Variants in AGBL1 observed in about 807,000 individuals in gnomAD.
The protein encoded by AGBL1 is cytosolic carboxypeptidase 4.
AGBL1 carries 130 observed loss-of-function variants against 118.9 expected under a neutral mutation model. The ratio of observed to expected loss-of-function variants is 1.09; its 90% CI spans 0.95 to 1.26. AGBL1 has a LOEUF of 1.26. Ranked by LOEUF, AGBL1 falls within the 50% of genes most tolerant of loss-of-function variation. AGBL1 has a pLI of 0.00. For synonymous variants in AGBL1, 555 were observed against 478.9 expected, an observed-to-expected ratio of 1.16 and a Z score of -2.08; for missense variants, 1,584 against 1,298.1, an observed-to-expected ratio of 1.22 and a Z score of -3.38.
chr15:86,522,664 T>C, intron 18 of AGBL1, 146 bp from the exon 19 acceptor site: 1 of 1,018,206 alleles, frequency 9.8e-7, no homozygotes, highest in Non-Finnish European at 1.4e-6. Context: ...TACAGCTTTC[T>C]AGACATCTGA....
chr15:87,005,717 C>G (rs930295757), intron 24 of AGBL1, among the ~76,000 whole-genome samples: 4 of 152,180 alleles, frequency 2.6e-5, no homozygotes, highest in African/African-American at 9.7e-5. Flanking sequence ...CTCTGTCCAG[C>G]TTTGTTTCGT....
chr15:86,777,198 G>T lies in AGBL1; in HGVS notation c.3158+102762G>T, dbSNP rs190238064. Among the ~76,000 whole-genome samples the T allele has an allele frequency of 1.4e-3, 206 of 152,004 alleles. 1 individual carries two copies. The highest frequency in any genetic ancestry group is 4.8e-3 in the African/African-American group (201 of 41,510). ...GCCAAACTCTCATATACATGAGGGG[G>T]TTGTTTCTTTTTTCCATGTTATGTT... is the stretch of plus-strand genomic sequence containing the variant. On this transcript the variant is annotated intron_variant, in intron 22 of 22. Transcript: ENST00000614907.
chr15:86,832,989 A>G (rs1014614081), intron 22 of AGBL1, among the ~76,000 whole-genome samples: 1 of 152,170 alleles, frequency 6.6e-6, no homozygotes, highest in African/African-American at 2.4e-5. Context: ...AAGGCAAACG[A>G]GGAACAAAGT....
rs117374748 is a variant in AGBL1, at chr15:86,281,850, A to G, written c.2220+2067A>G. ...CGTTTTATGAGTCCATGTAGTCATC[A>G]TTGTGTGATGATACAGACATCTCTA... On this transcript the variant is annotated intron_variant, in intron 16 of 22. Coordinates refer to ENST00000614907, the MANE Select transcript of AGBL1 (RefSeq NM_001386094.1). 4.3e-3 allele frequency among the ~76,000 whole-genome samples: 654 copies of G among 152,298 alleles called. 2 individuals are homozygous for G. Among genetic ancestry groups the G allele is most frequent in the Non-Finnish European group, 6.5e-3 (443 of 68,020 alleles).
intron 6 of AGBL1, among the ~76,000 whole-genome samples, chr15:86,226,092 A>T (rs2078357666): frequency 6.6e-6 from 1 of 152,094 alleles, no homozygotes; most frequent in South Asian, 2.1e-4. Flanking sequence ...GGTAGAGTGG[A>T]GGTGGTAAGA....
chr15:86,601,982 A>C (rs1453955081), intron 21 of AGBL1, among the ~76,000 whole-genome samples: 1 of 152,090 alleles, frequency 6.6e-6, no homozygotes, highest in Non-Finnish European at 1.5e-5. Flanking sequence ...TTTATGAATT[A>C]TCTCCATTAA....
At chr15:86,567,170 T>G (rs1283391671) in intron 21 of AGBL1, among the ~76,000 whole-genome samples, 1 of 152,198 alleles carries the variant, frequency 6.6e-6, no homozygotes, top group Non-Finnish European at 1.5e-5. Context: ...TATTCCAACC[T>G]TCCTAATTAG....
chr15:86,886,584 T>C (rs1453561842), intron 22 of AGBL1, among the ~76,000 whole-genome samples: 1 of 152,322 alleles, frequency 6.6e-6, no homozygotes, highest in East Asian at 1.9e-4. Flanking sequence ...TTAATAGAAA[T>C]GTGTCTCTGG....
Position 86,247,676 on chromosome 15 carries a change from A to C in AGBL1, c.532A>C (p.Asn178His). ...GCCTTTCCCTTTGTTTTCAGAGTCG[A>C]ACGGCCGCAGAGCAGTGAACCGAGG... ...VLAALLKSKSNGRRAVNRGYV... is the reference protein window; with the variant it reads ...VLAALLKSKSHGRRAVNRGYV... Residue 178 changes from asparagine (N) to histidine (H), a missense_variant, in exon 7 of 23, where the codon AAC becomes CAC. Coordinates refer to ENST00000614907, the MANE Select transcript of AGBL1 (RefSeq NM_001386094.1). 6 of 1,602,456 alleles carry C rather than the reference A, an allele frequency of 3.7e-6. No homozygotes were observed. The highest frequency in any genetic ancestry group is 5.1e-6 in the Non-Finnish European group (6 of 1,174,600).
intron 6 of AGBL1, among the ~76,000 whole-genome samples, chr15:86,240,813 T>C (rs1358745985): frequency 6.6e-6 from 1 of 152,194 alleles, no homozygotes; most frequent in African/African-American, 2.4e-5. Flanking sequence ...TCTGTATAGC[T>C]GGAGGTAATT....
At chr15:86,088,873 T>C (rs535581171) in intron 1 of AGBL1, among the ~76,000 whole-genome samples, 83 of 152,274 alleles carry the variant, frequency 5.5e-4, no homozygotes, top group African/African-American at 1.9e-3. Flanking sequence ...TGTCTGCATA[T>C]TCTCTAATAT....
chr15:86,756,603 A>G (rs974107843), intron 22 of AGBL1, among the ~76,000 whole-genome samples: 9 of 152,100 alleles, frequency 5.9e-5, no homozygotes, highest in African/African-American at 2.2e-4. Flanking sequence ...TTCCTAAATG[A>G]AGATGAGGAG....
At chr15:86,970,601 A>G (rs977427999) in intron 23 of AGBL1, among the ~76,000 whole-genome samples, 2 of 151,994 alleles carry the variant, frequency 1.3e-5, no homozygotes, top group Admixed American at 6.6e-5. Context: ...TTTCTAAACT[A>G]CAATCATGGT....
intron 5 of AGBL1, among the ~76,000 whole-genome samples, chr15:86,200,724 C>T (rs144215771): frequency 6.7e-4 from 102 of 151,834 alleles, no homozygotes; most frequent in African/African-American, 2.4e-3. Context: ...TCAAGCAATT[C>T]TCCTGCTTCA....
intron 8 of AGBL1, 98 bp from the exon 9 acceptor site, chr15:86,257,866 A>C (rs1381118485): frequency 8.8e-7 from 1 of 1,139,664 alleles, no homozygotes; most frequent in South Asian, 1.5e-5. Context: ...CTTATTTGAG[A>C]GAGGAAGAAG....
intron 18 of AGBL1, among the ~76,000 whole-genome samples, chr15:86,434,917 T>A (rs1596110872): frequency 6.6e-6 from 1 of 152,242 alleles, no homozygotes; most frequent in East Asian, 1.9e-4. Context: ...TATCCTATTG[T>A]TCTGAAGTTG....
At chr15:86,620,614 A>G (rs764928050) in intron 21 of AGBL1, among the ~76,000 whole-genome samples, 104 of 152,196 alleles carry the variant, frequency 6.8e-4, no homozygotes, top group Admixed American at 3.3e-4. Context: ...AAATCAATCT[A>G]TCCTCTGCAT....
At chr15:86,244,128 TAAAAA>T (rs146217051) in intron 6 of AGBL1, among the ~76,000 whole-genome samples, 17 of 151,188 alleles carry the variant, frequency 1.1e-4, no homozygotes, top group Non-Finnish European at 1.8e-4. Flanking sequence ...TTTAGAAACT[TAAAAA>T]AAATTAAGCA....
At chr15:86,647,043 A>C (rs907392430) in intron 21 of AGBL1, among the ~76,000 whole-genome samples, 3 of 152,310 alleles carry the variant, frequency 2.0e-5, no homozygotes, top group Middle Eastern at 6.8e-3. Flanking sequence ...AGCTCACATA[A>C]AAGACTAACA....
Sources: gnomAD v4.1 joint callset for allele counts (sites outside exome capture counted in the v4.1 genomes callset) on GRCh38, gnomAD v4.1.1 for gene constraint, MANE v1.5 for transcripts, NCBI Gene and HGNC (gene_info 2026-07-23, HGNC 2026-07-21) for gene names.